ESRRG: variants seen among roughly 807,000 people sequenced by gnomAD.
The protein encoded by ESRRG is estrogen related receptor gamma.
Under a neutral mutation model 44.0 loss-of-function variants are expected in ESRRG, and 13 were observed. The observed-to-expected ratio is 0.30, with a 90% CI of 0.19 to 0.47. The LOEUF (loss-of-function observed/expected upper bound fraction) is 0.47, where lower values mean the gene tolerates loss of function less well. ESRRG is among the 20% of genes least tolerant of loss of function. The probability of loss-of-function intolerance (pLI) is 1.00; values close to 1 mark genes in which losing one functional copy is unlikely to be tolerated. For synonymous variants in ESRRG, 215 were observed against 214.6 expected (o/e 1.00, Z -0.02); for missense variants, 395 against 580.6 (o/e 0.68, Z 3.29).
chr1:217,106,244 T>C (rs1001914179), intron 1 of ESRRG, among the ~76,000 whole-genome samples: 3 of 152,204 alleles, frequency 2.0e-5, no homozygotes, highest in Non-Finnish European at 4.4e-5. Flanking sequence ...TCTCAATACA[T>C]AATCCAGAGA....
At position 217,074,544 on chromosome 1, in the gene ESRRG, C is replaced by T. The variant is rs536368655; in HGVS notation, c.-106+14963G>A. Among the ~76,000 whole-genome samples the T allele has an allele frequency of 4.0e-5, 6 of 149,886 alleles. No individual in the cohort carries two copies. In the East Asian group the frequency reaches 1.2e-3, roughly 30 times the overall value. ...AAATATTACTTTTGGTTTTTAATAA[C>T]AGTGTTATATAGGGTAGGTGCAGTG... On this transcript the variant is annotated intron_variant, in intron 1 of 7. Coordinates refer to the ESRRG transcript ENST00000359162.
intron 2 of ESRRG, among the ~76,000 whole-genome samples, chr1:216,744,914 G>A (rs982996166): frequency 2.6e-5 from 4 of 152,250 alleles, no homozygotes; most frequent in Non-Finnish European, 5.9e-5. Context: ...TTCCATATTA[G>A]CAAGTGTGTA....
At chr1:217,118,018 CTAA>C (rs1464810033) in intron 1 of ESRRG, among the ~76,000 whole-genome samples, 1 of 152,188 alleles carries the variant, frequency 6.6e-6, no homozygotes, top group African/African-American at 2.4e-5. Context: ...TCTTCCTAAT[CTAA>C]TAATAATAGC....
At chr1:216,939,807 T>C (rs185395114) in intron 1 of ESRRG, 2 of 152,208 alleles carry the variant, frequency 1.3e-5, no homozygotes, top group Non-Finnish European at 2.9e-5. Flanking sequence ...CATTAATAGC[T>C]ATGACTTAGT....
chr1:216,902,893 T>C (rs2059249764), intron 2 of ESRRG, among the ~76,000 whole-genome samples: 1 of 152,190 alleles, frequency 6.6e-6, no homozygotes, highest in Non-Finnish European at 1.5e-5. Context: ...TGGTTCACAG[T>C]GACTGCTAGC....
chr1:216,644,242 AT>A (rs1252077976), intron 3 of ESRRG, among the ~76,000 whole-genome samples: 1 of 152,030 alleles, frequency 6.6e-6, no homozygotes, highest in Non-Finnish European at 1.5e-5. Flanking sequence ...GCAAATGCCA[AT>A]TCTCAACCTC....
intron 2 of ESRRG, among the ~76,000 whole-genome samples, chr1:216,775,553 T>TTC: frequency 1.2e-4 from 1 of 8,304 alleles, no homozygotes; most frequent in Non-Finnish European, 2.1e-4. Flanking sequence ...TGTCACATCT[T>TTC]TTTTTTTTTT....
chr1:216,612,794 G>T (rs1218443452), intron 3 of ESRRG, among the ~76,000 whole-genome samples: 1 of 152,190 alleles, frequency 6.6e-6, no homozygotes, highest in Admixed American at 6.5e-5. Context: ...CTGCAGCAGC[G>T]CAGTGGAATA....
At chr1:216,547,585 G>A (rs2149345515) in intron 5 of ESRRG, among the ~76,000 whole-genome samples, 1 of 152,202 alleles carries the variant, frequency 6.6e-6, no homozygotes, top group Non-Finnish European at 1.5e-5. Context: ...AAGCGTGTGT[G>A]TTAATACATT....
At chr1:217,047,542 A>C (rs1350329521) in intron 1 of ESRRG, among the ~76,000 whole-genome samples, 1 of 152,232 alleles carries the variant, frequency 6.6e-6, no homozygotes, top group Non-Finnish European at 1.5e-5. Flanking sequence ...CCAAGCTACG[A>C]ATATCTTTCT....
chr1:216,559,159 C>T (rs898581441), intron 5 of ESRRG, among the ~76,000 whole-genome samples: 1 of 152,164 alleles, frequency 6.6e-6, no homozygotes, highest in Non-Finnish European at 1.5e-5. Context: ...CGTGATCCAC[C>T]GCACCCATTC....
rs146272128 is a variant in ESRRG at position 216,694,704 on chromosome 1, G to A, written c.57-17213C>T. ...CCCGAGTACCAGGGATTACAGGTGC[G>A]TGCCACCACACCTGGCTAATTTTTC... On this transcript the variant is annotated intron_variant, in intron 1 of 6. Coordinates refer to ENST00000408911, the MANE Select transcript of ESRRG (RefSeq NM_001438.4). 2.8e-4 allele frequency among the ~76,000 whole-genome samples: 42 copies of A among 151,936 alleles called. No individual in the cohort carries two copies. In the East Asian group the frequency reaches 6.2e-3, roughly 22 times the overall value.
At chr1:217,096,848 T>C (rs2092432329) in intron 1 of ESRRG, among the ~76,000 whole-genome samples, 1 of 152,210 alleles carries the variant, frequency 6.6e-6, no homozygotes, top group South Asian at 2.1e-4. Context: ...ACACAGTAGA[T>C]GCTCCATAAA....
At chr1:216,954,169 G>T (rs971277763) in intron 1 of ESRRG, among the ~76,000 whole-genome samples, 1 of 152,032 alleles carries the variant, frequency 6.6e-6, no homozygotes, top group African/African-American at 2.4e-5. Flanking sequence ...TAGATTATGA[G>T]ATAATGGACT....
chr1:216,648,590 G>A (rs1195796945), intron 3 of ESRRG, among the ~76,000 whole-genome samples: 1 of 151,718 alleles, frequency 6.6e-6, no homozygotes, highest in Non-Finnish European at 1.5e-5. Context: ...AAATCACAAT[G>A]GAAAAAATAT....
Position 216,912,183 on chromosome 1 carries a change from A to AAGAAGAGGAG in ESRRG, c.-14+27398_-14+27399insCTCCTCTTCT, listed in dbSNP as rs1560083326. Among the ~76,000 whole-genome samples the AAGAAGAGGAG allele has an allele frequency of 3.6e-3, 76 of 21,154 alleles. 11 individuals are homozygous for AAGAAGAGGAG. The highest frequency in any genetic ancestry group is 5.6e-3 in the Admixed American group (9 of 1,608). The allele number at this position is 21,154 out of a possible 152,430, so 13.9% of individuals were successfully genotyped here. On this transcript the variant is annotated intron_variant, in intron 2 of 7. Coordinates refer to the ESRRG transcript ENST00000359162. Reference sequence around the variant, plus strand: ...AAGAAAAGAAAAGAAAAGAAAAGAAAAGGAGAGGAGAGGAGAGGAGAGGAG... The same window carrying AAGAAGAGGAG: ...AAGAAAAGAAAAGAAAAGAAAAGAAAAGAAGAGGAGAGGAGAGGAGAGGAGAGGAGAGGAG...
intron 2 of ESRRG, among the ~76,000 whole-genome samples, chr1:216,742,845 T>C (rs2090924455): frequency 6.6e-6 from 1 of 151,774 alleles, no homozygotes; most frequent in African/African-American, 2.4e-5. Flanking sequence ...GGTGTTGGAC[T>C]CTCCCAGACA....
At chr1:216,508,813 G>A (rs2148735363) in intron 6 of ESRRG, among the ~76,000 whole-genome samples, 1 of 152,230 alleles carries the variant, frequency 6.6e-6, no homozygotes, top group South Asian at 2.1e-4. Context: ...GAGGTATGGG[G>A]AAACACTATG....
intron 2 of ESRRG, among the ~76,000 whole-genome samples, chr1:216,673,633 A>G (rs1273459580): frequency 6.6e-6 from 1 of 152,278 alleles, no homozygotes; most frequent in Non-Finnish European, 1.5e-5. Context: ...AATCATGCAT[A>G]GAATTCCAAT....
Sources: allele counts gnomAD v4.1 joint callset (sites outside exome capture counted in the v4.1 genomes callset), GRCh38; gene constraint gnomAD v4.1.1; transcripts MANE v1.5; gene names NCBI Gene and HGNC (gene_info 2026-07-23, HGNC 2026-07-21).